The following NPTN variants were observed in gnomAD, a reference collection of about 807,000 sequenced individuals.
NPTN encodes the protein neuroplastin, also known as SDR-1.
A neutral mutation model predicts 42.7 loss-of-function variants in NPTN; 5 were observed. The ratio of observed to expected loss-of-function variants is 0.12; its 90% confidence interval spans 0.06 to 0.25. The LOEUF (loss-of-function observed/expected upper bound fraction) is 0.25. Among genes scored for constraint, NPTN ranks in the 10% least tolerant of loss-of-function variants. The probability of loss-of-function intolerance (pLI) is 1.00; values close to 1 mark genes in which losing one functional copy is unlikely to be tolerated. For synonymous variants in NPTN, 180 were observed against 201.9 expected (o/e 0.89, Z 0.92); for missense variants, 307 against 525.4 (o/e 0.58, Z 4.06).
At chr15:73,565,795 T>G (rs1218321287) in intron 6 of NPTN, 1 of 456,232 alleles carries the variant, frequency 2.2e-6, no homozygotes, top group East Asian at 6.9e-5. Flanking sequence ...ACACACTGAT[T>G]TATCTGCGTG....
At chr15:73,593,603 G>A (rs1896698921) in intron 2 of NPTN, among the ~76,000 whole-genome samples, 1 of 152,178 alleles carries the variant, frequency 6.6e-6, no homozygotes. Context: ...GGAAAGCATG[G>A]GGAAGTCGTG....
chr15:73,568,002 TAA>T (rs1895134344), intron 6 of NPTN: 4 of 985,324 alleles, frequency 4.1e-6, no homozygotes, highest in Admixed American at 6.1e-5. Context: ...TAACTTAGTT[TAA>T]AAGAGGTACT....
intron 1 of NPTN, among the ~76,000 whole-genome samples, chr15:73,614,669 G>A (rs1051858209): frequency 6.6e-6 from 1 of 152,048 alleles, no homozygotes; most frequent in African/African-American, 2.4e-5. Context: ...GAAAGGTGAG[G>A]AATAAGATTC....
Position 73,570,399 on chromosome 15 carries a change from A to G in NPTN, c.865T>C (p.Phe289Leu). ...TAATTTTCCTTGTTGATGATGAAGA[A>G]GCGGCCAGAGGTATTGACAATGTCC... ...PMDIVNTSGR[F>L]FIINKENYTE... Residue 289 changes from phenylalanine (F) to leucine (L), a missense_variant, in exon 6 of 9, where the codon TTC (phenylalanine) becomes CTC (leucine). Physicochemically the swap from Phe to Leu is conservative, Grantham distance 22. This residue lies in a region of NPTN where 264 missense variants were observed against 491.1 expected (regional missense o/e 0.54). Transcript: ENST00000345330. This position sits in a 1 kb window ranked among gnomAD's most constrained non-coding sequence, Gnocchi z 4.0. 1 of 1,613,270 alleles carries G rather than the reference A, an allele frequency of 6.2e-7. No individual in the cohort carries two copies. The highest frequency in any genetic ancestry group is 8.5e-7 in the Non-Finnish European group (1 of 1,179,940).
At chr15:73,564,513 T>C (rs1347654816) in intron 6 of NPTN, among the ~76,000 whole-genome samples, 1 of 152,070 alleles carries the variant, frequency 6.6e-6, no homozygotes, top group Non-Finnish European at 1.5e-5. Context: ...AACCAATGAC[T>C]CATCAGCCAA....
intron 4 of NPTN, among the ~76,000 whole-genome samples, chr15:73,575,330 C>T (rs765442026): frequency 3.3e-5 from 5 of 151,698 alleles, no homozygotes; most frequent in African/African-American, 7.3e-5. Context: ...TTGGTCAGGC[C>T]GGTCTCGAAC....
intron 5 of NPTN, among the ~76,000 whole-genome samples, chr15:73,572,205 C>T (rs886897551): frequency 6.6e-6 from 1 of 152,134 alleles, no homozygotes; most frequent in African/African-American, 2.4e-5. Flanking sequence ...CTAGATACAA[C>T]TCTTGGTTTT....
intron 2 of NPTN, among the ~76,000 whole-genome samples, chr15:73,594,531 T>C (rs1896744135): frequency 6.6e-6 from 1 of 152,176 alleles, no homozygotes; most frequent in Non-Finnish European, 1.5e-5. Context: ...CCTCCTGTGA[T>C]TGCTGTATAT....
intron 5 of NPTN, 133 bp downstream of exon 5, chr15:73,573,529 C>T (rs927371523): frequency 7.1e-6 from 7 of 980,288 alleles, no homozygotes; most frequent in Admixed American, 3.1e-5. Flanking sequence ...TGCTGTAAAC[C>T]GTGACTCTAG....
intron 1 of NPTN, among the ~76,000 whole-genome samples, chr15:73,606,360 G>A (rs1216238472): frequency 6.6e-6 from 1 of 152,156 alleles, no homozygotes; most frequent in Non-Finnish European, 1.5e-5. Context: ...GTATTTTCAG[G>A]GGAATTTTAG....
At chr15:73,623,061 GTTT>G (rs1252291534) in intron 1 of NPTN, among the ~76,000 whole-genome samples, 4 of 152,096 alleles carry the variant, frequency 2.6e-5, no homozygotes, top group African/African-American at 9.7e-5. Context: ...CCTTTTCCAG[GTTT>G]TTAATAGCAT....
intron 1 of NPTN, among the ~76,000 whole-genome samples, chr15:73,628,004 GA>G (rs77880169): frequency 1.5e-4 from 22 of 145,734 alleles, no homozygotes; most frequent in African/African-American, 4.8e-4. Context: ...TAGGAATTTT[GA>G]AAAAAAAAAT....
rs1210418876 is a variant in NPTN, at chr15:73,587,580, T to A, written c.650A>T (p.His217Leu). 6.2e-7 allele frequency: 1 copy of A among 1,614,100 alleles called. No individual in the cohort carries two copies. Among genetic ancestry groups the A allele is most frequent in the Admixed American group, 1.7e-5 (1 of 60,024 alleles). ...AGCGCTGACAAAGTGATATACGCAG[T>A]GGTATTCGCCTGAATCCTCAGCTCT... ...KPRAEDSGEY[H>L]CVYHFVSAPK... Residue 217 changes from histidine (H) to leucine (L), a missense_variant, in exon 4 of 9, where the codon CAC becomes CTC. By Grantham distance (99) the His-to-Leu change is moderately conservative (BLOSUM62 -3). Around this residue, in one of 2 missense-constraint regions of NPTN, gnomAD observed 264 missense variants for 491.1 expected, o/e 0.54. Transcript: ENST00000345330.
chr15:73,569,278 T>C lies in NPTN; in HGVS notation c.1114+872A>G. The C allele has an allele frequency of 1.0e-6, 1 of 985,562 alleles. No individual in the cohort carries two copies. Among genetic ancestry groups the C allele is most frequent in the South Asian group, 4.7e-5 (1 of 21,288 alleles). 61.1% of individuals were successfully genotyped at this position (985,562 alleles called of 1,614,324 possible). ...GCAGATACAAGTCTCCATCAGCAGC[T>C]TCCCCCTTCACAGGAAAAATCGATC... On this transcript the variant is annotated intron_variant, in intron 6 of 8. Coordinates refer to ENST00000345330, the MANE Select transcript of NPTN (RefSeq NM_012428.4). This position sits in a 1 kb window ranked among gnomAD's most constrained non-coding sequence, Gnocchi z 4.1.
At chr15:73,590,762 A>G (rs1896550751) in intron 3 of NPTN, among the ~76,000 whole-genome samples, 2 of 152,208 alleles carry the variant, frequency 1.3e-5, no homozygotes, top group East Asian at 1.9e-4. Flanking sequence ...ACCCTGTCTC[A>G]ATAAAATAAA....
chr15:73,598,008 G>A (rs1336178048), intron 1 of NPTN, among the ~76,000 whole-genome samples: 1 of 151,978 alleles, frequency 6.6e-6, no homozygotes, highest in Non-Finnish European at 1.5e-5. Context: ...TTCTTCCCTG[G>A]GCCTATGGCA....
intron 2 of NPTN, among the ~76,000 whole-genome samples, chr15:73,595,325 G>A (rs553465146): frequency 2.6e-5 from 4 of 152,066 alleles, no homozygotes; most frequent in Admixed American, 6.5e-5. Context: ...AGAAGGAGGC[G>A]TGCAGGGTAA....
chr15:73,630,472 T>C (rs992286192), intron 1 of NPTN, among the ~76,000 whole-genome samples: 2 of 152,242 alleles, frequency 1.3e-5, no homozygotes, highest in Admixed American at 6.5e-5. Context: ...GAATTGGTCT[T>C]ACAAGTTTAA....
chr15:73,611,580 C>A (rs1897582418), intron 1 of NPTN, among the ~76,000 whole-genome samples: 1 of 151,810 alleles, frequency 6.6e-6, no homozygotes, highest in Admixed American at 6.6e-5. Flanking sequence ...ATCAGTGGTC[C>A]CAGGAGATAA....
Sources: allele counts gnomAD v4.1 joint callset (sites outside exome capture counted in the v4.1 genomes callset), GRCh38; gene constraint gnomAD v4.1.1; regional missense constraint gnomAD v4.1.1; non-coding constraint Gnocchi (gnomAD v3.1); transcripts MANE v1.5; gene names NCBI Gene and HGNC (gene_info 2026-07-23, HGNC 2026-07-21).